DCC: variants seen among roughly 807,000 people sequenced by gnomAD.
The protein encoded by DCC is DCC netrin 1 receptor, also known as netrin receptor DCC.
In DCC, 58 loss-of-function variants were observed where a neutral mutation model predicts 172.5. That is an observed-to-expected ratio of 0.34 (90% CI 0.27 to 0.42). The LOEUF is 0.42. Ranked by LOEUF, DCC falls within the 10% of genes least tolerant of loss-of-function variation. DCC has a pLI of 1.00. For synonymous variants in DCC, 709 were observed against 644.5 expected (o/e 1.10, Z -1.52); for missense variants, 1,740 against 1,791.0 (o/e 0.97, Z 0.51).
intron 1 of DCC, among the ~76,000 whole-genome samples, chr18:52,711,612 G>T (rs562497841): frequency 2.0e-5 from 3 of 152,202 alleles, no homozygotes; most frequent in Non-Finnish European, 4.4e-5. Context: ...AGACTTAGAT[G>T]TTGGGGAAGG....
At chr18:52,581,187 T>TTATCTATCTATCTATCTATCTTTCTATC (rs2033539356) in intron 1 of DCC, among the ~76,000 whole-genome samples, 1 of 146,452 alleles carries the variant, frequency 6.8e-6, no homozygotes, top group Non-Finnish European at 1.5e-5. Flanking sequence ...TCTATATATC[T>TTATCTATCTATCTATCTATCTTTCTATC]TATCTATCTA....
chr18:52,806,502 T>G (rs1052972777), intron 2 of DCC, among the ~76,000 whole-genome samples: 1 of 152,196 alleles, frequency 6.6e-6, no homozygotes, highest in African/African-American at 2.4e-5. Flanking sequence ...AGTGAATGCA[T>G]AGGCTTTATT....
intron 1 of DCC, among the ~76,000 whole-genome samples, chr18:52,439,063 A>T (rs1261495690): frequency 6.6e-6 from 1 of 152,162 alleles, no homozygotes; most frequent in African/African-American, 2.4e-5. Flanking sequence ...GTGGGAGAAA[A>T]AAAGGTAAAT....
At chr18:53,507,464 C>CTT (rs772162259) in intron 27 of DCC, among the ~76,000 whole-genome samples, 4 of 152,168 alleles carry the variant, frequency 2.6e-5, no homozygotes, top group Non-Finnish European at 5.9e-5. Flanking sequence ...CTAGCAGGGA[C>CTT]TTATAAACGA....
At chr18:52,491,600 C>T (rs1171480543) in intron 1 of DCC, among the ~76,000 whole-genome samples, 1 of 152,096 alleles carries the variant, frequency 6.6e-6, no homozygotes, top group Non-Finnish European at 1.5e-5. Flanking sequence ...TTGAAGAAGG[C>T]ATTTCAATAG....
chr18:53,504,239 C>G (rs1187133000), intron 27 of DCC, among the ~76,000 whole-genome samples: 1 of 152,162 alleles, frequency 6.6e-6, no homozygotes, highest in Non-Finnish European at 1.5e-5. Flanking sequence ...CTGAGCCACT[C>G]GTAGGCTGCC....
At chr18:52,930,428 A>G (rs1259792594) in intron 5 of DCC, among the ~76,000 whole-genome samples, 1 of 152,004 alleles carries the variant, frequency 6.6e-6, no homozygotes, top group Admixed American at 6.6e-5. Flanking sequence ...TCCTGTATCT[A>G]CAAAAACAAA....
chr18:52,538,611 A>G (rs1301764935), intron 1 of DCC, among the ~76,000 whole-genome samples: 1 of 152,156 alleles, frequency 6.6e-6, no homozygotes, highest in African/African-American at 2.4e-5. Flanking sequence ...GATACAGTTC[A>G]GGATACCATG....
intron 13 of DCC, among the ~76,000 whole-genome samples, chr18:53,315,354 G>T (rs1262693737): frequency 2.6e-5 from 4 of 152,180 alleles, no homozygotes; most frequent in African/African-American, 9.7e-5. Context: ...TCTTTATGCA[G>T]TCTATCATTG....
chr18:52,536,990 T>A (rs2032308265), intron 1 of DCC, among the ~76,000 whole-genome samples: 1 of 152,184 alleles, frequency 6.6e-6, no homozygotes, highest in African/African-American at 2.4e-5. Context: ...TAATCATCCT[T>A]AAAGAAATAG....
At chr18:52,693,452 TTATATC>T (rs954368402) in intron 1 of DCC, among the ~76,000 whole-genome samples, 3 of 147,576 alleles carry the variant, frequency 2.0e-5, no homozygotes, top group East Asian at 1.9e-4. Context: ...ATATATATCT[TTATATC>T]TATGTGTCTG....
intron 15 of DCC, among the ~76,000 whole-genome samples, chr18:53,340,287 T>G (rs1366427067): frequency 2.0e-5 from 3 of 152,180 alleles, no homozygotes; most frequent in Non-Finnish European, 4.4e-5. Context: ...GTCAACACAT[T>G]TTTCATCTTT....
At chr18:53,192,918 A>T (rs892574839) in intron 9 of DCC, among the ~76,000 whole-genome samples, 1 of 152,118 alleles carries the variant, frequency 6.6e-6, no homozygotes, top group African/African-American at 2.4e-5. Flanking sequence ...GCAAATCTGT[A>T]TTGCAGGAGT....
chr18:52,383,066 A>G (rs1166614830), intron 1 of DCC, among the ~76,000 whole-genome samples: 1 of 151,952 alleles, frequency 6.6e-6, no homozygotes, highest in South Asian at 2.1e-4. Context: ...ATTCTTCACC[A>G]TTACACACGA....
chr18:52,992,796 C>T (rs751375248), intron 5 of DCC, among the ~76,000 whole-genome samples: 9 of 151,868 alleles, frequency 5.9e-5, no homozygotes, highest in Non-Finnish European at 1.3e-4. Context: ...GCCAACATGG[C>T]GAAATCACAT....
At chr18:53,117,621 A>G (rs1231902447) in intron 7 of DCC, among the ~76,000 whole-genome samples, 1 of 151,748 alleles carries the variant, frequency 6.6e-6, no homozygotes, top group Non-Finnish European at 1.5e-5. Context: ...GATTGAATTA[A>G]GGGCATTCAG....
intron 1 of DCC, among the ~76,000 whole-genome samples, chr18:52,542,476 A>G (rs2032487794): frequency 6.6e-6 from 1 of 152,182 alleles, no homozygotes; most frequent in East Asian, 1.9e-4. Context: ...AAAAAAAACC[A>G]TCAAACATTG....
At chr18:52,935,626 C>T (rs1057045040) in intron 5 of DCC, among the ~76,000 whole-genome samples, 1 of 151,880 alleles carries the variant, frequency 6.6e-6, no homozygotes, top group Non-Finnish European at 1.5e-5. Flanking sequence ...ATTTTTTGAG[C>T]ATGTATTATT....
At chr18:52,990,124 A>G (rs2145620026) in intron 5 of DCC, among the ~76,000 whole-genome samples, 1 of 152,102 alleles carries the variant, frequency 6.6e-6, no homozygotes. Flanking sequence ...TCTTTCAAGC[A>G]ACCATAGTAA....
Sources: allele counts gnomAD v4.1 joint callset (sites outside exome capture counted in the v4.1 genomes callset), GRCh38; gene constraint gnomAD v4.1.1; transcripts MANE v1.5; gene names NCBI Gene and HGNC (gene_info 2026-07-23, HGNC 2026-07-21).